The following CALN1 variants were observed in gnomAD, a reference collection of about 807,000 sequenced individuals.
CALN1 encodes calneuron 1.
CALN1 carries 17 observed loss-of-function variants against 30.6 expected under a neutral mutation model. That is an observed-to-expected ratio of 0.56 (90% confidence interval 0.38 to 0.83). CALN1 has a LOEUF of 0.83. Ranked by LOEUF, CALN1 falls within the 40% of genes least tolerant of loss-of-function variation. The probability of loss-of-function intolerance (pLI) is 0.00; values close to 1 mark genes in which losing one functional copy is unlikely to be tolerated. For synonymous variants in CALN1, 156 were observed against 131.4 expected (o/e 1.19, Z -1.28); for missense variants, 291 against 354.9 (o/e 0.82, Z 1.45).
At chr7:71,890,594 T>A (rs1053539331) in intron 5 of CALN1, among the ~76,000 whole-genome samples, 2 of 152,008 alleles carry the variant, frequency 1.3e-5, no homozygotes, top group Admixed American at 6.6e-5. Context: ...AGAAAAAAAA[T>A]TATCCATAAT....
At chr7:72,217,540 T>G (rs1562752980) in intron 3 of CALN1, among the ~76,000 whole-genome samples, 2 of 152,036 alleles carry the variant, frequency 1.3e-5, no homozygotes, top group Non-Finnish European at 2.9e-5. Context: ...AGACACTAAG[T>G]CGTGCCAGAT....
chr7:72,219,951 A>T (rs1010602104), intron 3 of CALN1, among the ~76,000 whole-genome samples: 63 of 151,990 alleles, frequency 4.1e-4, no homozygotes, highest in Non-Finnish European at 4.1e-4. Context: ...ATAAAAAAAA[A>T]TTCAACCTCA....
chr7:72,420,930 A>G (rs145582822), intron 1 of CALN1, among the ~76,000 whole-genome samples: 37 of 152,120 alleles, frequency 2.4e-4, no homozygotes, highest in African/African-American at 8.4e-4. Flanking sequence ...CATCTTAAAC[A>G]TGCATCTGCA....
At chr7:71,940,592 CTTCTG>C (rs1264248383) in intron 5 of CALN1, among the ~76,000 whole-genome samples, 1 of 152,054 alleles carries the variant, frequency 6.6e-6, no homozygotes, top group Non-Finnish European at 1.5e-5. Flanking sequence ...TATAGTTCTT[CTTCTG>C]TTTTTTGTTT....
the CALN1 span, among the ~76,000 whole-genome samples, chr7:72,469,442 G>A: frequency 1.3e-5 from 2 of 152,038 alleles, no homozygotes; most frequent in African/African-American, 4.8e-5. Flanking sequence ...TGTCACCCAG[G>A]CTGGAGAGCA....
intron 3 of CALN1, among the ~76,000 whole-genome samples, chr7:72,210,468 C>T (rs1240364308): frequency 1.3e-5 from 2 of 152,014 alleles, no homozygotes; most frequent in Non-Finnish European, 2.9e-5. Flanking sequence ...CAAAGAACTG[C>T]CCAAGACTGG....
intron 2 of CALN1, among the ~76,000 whole-genome samples, chr7:72,282,133 A>G (rs186615191): frequency 2.6e-5 from 4 of 152,268 alleles, no homozygotes; most frequent in African/African-American, 9.6e-5. Flanking sequence ...TAAGGACTAA[A>G]TTTCACTCCA....
chr7:72,305,276 G>C (rs551397685), intron 2 of CALN1, among the ~76,000 whole-genome samples: 1 of 152,204 alleles, frequency 6.6e-6, no homozygotes, highest in Non-Finnish European at 1.5e-5. Flanking sequence ...CAAGGATGCC[G>C]GCGCTGGCCT....
intron 2 of CALN1, among the ~76,000 whole-genome samples, chr7:72,335,769 G>C (rs1801982091): frequency 6.6e-6 from 1 of 152,206 alleles, no homozygotes; most frequent in African/African-American, 2.4e-5. Context: ...GTGGGCTGGT[G>C]GCCCGGGCGC....
At chr7:72,201,892 C>A (rs1791460312) in intron 3 of CALN1, among the ~76,000 whole-genome samples, 1 of 152,172 alleles carries the variant, frequency 6.6e-6, no homozygotes, top group African/African-American at 2.4e-5. Flanking sequence ...CAGCCTGGAG[C>A]AACCCACACT....
At chr7:71,996,977 A>C (rs1013273449) in intron 5 of CALN1, among the ~76,000 whole-genome samples, 1 of 152,220 alleles carries the variant, frequency 6.6e-6, no homozygotes, top group Non-Finnish European at 1.5e-5. Context: ...CTATAATCCC[A>C]GTACTTTGGG....
chr7:72,431,463 G>T (rs1314661962), intron 1 of CALN1, among the ~76,000 whole-genome samples: 1 of 152,088 alleles, frequency 6.6e-6, no homozygotes, highest in Non-Finnish European at 1.5e-5. Context: ...CACTGCAGCA[G>T]CCTCTATTGC....
At chr7:72,378,442 G>A (rs1469784614) in intron 2 of CALN1, among the ~76,000 whole-genome samples, 1 of 152,104 alleles carries the variant, frequency 6.6e-6, no homozygotes, top group Non-Finnish European at 1.5e-5. Context: ...CCAACAAGTT[G>A]ATTCTGACCA....
At chr7:72,061,122 C>T (rs1803618467) in intron 4 of CALN1, among the ~76,000 whole-genome samples, 1 of 152,198 alleles carries the variant, frequency 6.6e-6, no homozygotes, top group African/African-American at 2.4e-5. Context: ...TTTCAGCCTA[C>T]ACCCAACCAA....
At chr7:72,232,840 C>T (rs1385251694) in intron 3 of CALN1, among the ~76,000 whole-genome samples, 1 of 152,054 alleles carries the variant, frequency 6.6e-6, no homozygotes, top group Non-Finnish European at 1.5e-5. Context: ...ACATAAAAAG[C>T]CAAATTCCTT....
intron 3 of CALN1, among the ~76,000 whole-genome samples, chr7:72,253,107 T>C (rs1795677696): frequency 6.6e-6 from 1 of 152,056 alleles, no homozygotes; most frequent in South Asian, 2.1e-4. Context: ...CTGTTCTACC[T>C]GGACTTAGTC....
chr7:72,208,142 G>C (rs1200040486), intron 3 of CALN1, among the ~76,000 whole-genome samples: 1 of 152,160 alleles, frequency 6.6e-6, no homozygotes, highest in African/African-American at 2.4e-5. Context: ...GCCTCAGATG[G>C]CATTCACTTA....
rs536938277 is a variant in CALN1, at chr7:72,334,654, C to T, written c.120-55844G>A. Among the ~76,000 whole-genome samples, 6 of 152,308 alleles carry T rather than the reference C, an allele frequency of 3.9e-5. No individual in the cohort carries two copies. The South Asian group carries it at 1.2e-3, about 32-fold the overall frequency. Reference sequence around the variant, plus strand: ...CCTTATCCTGCACCCTAGCCGAAGGCCTGATTACTGGCAATAGTTGCTTTC... The same window carrying T: ...CCTTATCCTGCACCCTAGCCGAAGGTCTGATTACTGGCAATAGTTGCTTTC... On this transcript the variant is annotated intron_variant, in intron 2 of 6. Coordinates refer to ENST00000395275, the MANE Select transcript of CALN1 (RefSeq NM_031468.4).
intron 5 of CALN1, among the ~76,000 whole-genome samples, chr7:71,949,097 T>C (rs1312255528): frequency 1.3e-5 from 2 of 151,376 alleles, no homozygotes; most frequent in African/African-American, 2.4e-5. Flanking sequence ...TGCTGCCAGT[T>C]TGTCACTATG....
Sources: allele counts gnomAD v4.1 joint callset (sites outside exome capture counted in the v4.1 genomes callset), GRCh38; gene constraint gnomAD v4.1.1; transcripts MANE v1.5; gene names NCBI Gene and HGNC (gene_info 2026-07-23, HGNC 2026-07-21).